The following ATXN7L1 variants were observed in gnomAD, a reference collection of about 807,000 sequenced individuals.
ATXN7L1 encodes ataxin 7 like 1, also known as ataxin-7-like protein 1.
ATXN7L1 carries 15 observed loss-of-function variants against 70.8 expected under a neutral mutation model. The ratio of observed to expected loss-of-function variants is 0.21; its 90% confidence interval spans 0.14 to 0.33. The LOEUF (loss-of-function observed/expected upper bound fraction) is 0.33, where lower values mean the gene tolerates loss of function less well. ATXN7L1 is among the 10% of genes least tolerant of loss of function. The pLI, the probability that ATXN7L1 is intolerant of heterozygous loss-of-function variation, is 1.00. For missense variants in ATXN7L1, 975 were observed against 1,097.1 expected (o/e 0.89, Z 1.57); for synonymous variants, 440 against 445.1 (o/e 0.99, Z 0.14).
chr7:105,715,728 G>A (rs1389478378), intron 3 of ATXN7L1, among the ~76,000 whole-genome samples: 1 of 152,222 alleles, frequency 6.6e-6, no homozygotes, highest in Non-Finnish European at 1.5e-5. Context: ...GTAAAACTGT[G>A]ACTAGTGGCA....
At chr7:105,770,778 T>C (rs1290238753) in intron 3 of ATXN7L1, among the ~76,000 whole-genome samples, 1 of 152,210 alleles carries the variant, frequency 6.6e-6, no homozygotes, top group Admixed American at 6.5e-5. Flanking sequence ...TGTTATTCTG[T>C]AAGCATCAAG....
intron 3 of ATXN7L1, among the ~76,000 whole-genome samples, chr7:105,785,335 G>A (rs879944918): frequency 3.9e-5 from 6 of 152,100 alleles, no homozygotes; most frequent in Admixed American, 1.3e-4. Context: ...GTGTGGTGGC[G>A]GGCACCTGTA....
chr7:105,613,828 G>A, intron 10 of ATXN7L1, 34 bp downstream of exon 10: 1 of 1,551,776 alleles, frequency 6.4e-7, no homozygotes, highest in Non-Finnish European at 8.7e-7. Context: ...CTGCCCCCCA[G>A]AGCCGGTGAA....
Position 105,614,087 on chromosome 7 carries a change from G to A in ATXN7L1, c.2247C>T (p.Ser749=), listed in dbSNP as rs1232008032. 1 of 1,551,752 alleles carries A rather than the reference G, an allele frequency of 6.4e-7. No homozygotes were observed. The highest frequency in any genetic ancestry group is 8.7e-7 in the Non-Finnish European group (1 of 1,147,000). ...SSDSCPLSVP[S]LALHAGDLSL... ...AGAGGTCCCCTGCGTGGAGCGCAAGGGAGGGCACAGAGAGGGGACAGGAGT... is the reference window on the plus strand; with the variant it reads ...AGAGGTCCCCTGCGTGGAGCGCAAGAGAGGGCACAGAGAGGGGACAGGAGT... The change falls in exon 10 of 12, where the codon TCC becomes TCT. Residue 749 remains serine (S), a synonymous_variant. Transcript: ENST00000419735. This position sits in a 1 kb window ranked among gnomAD's most constrained non-coding sequence, Gnocchi z 4.3.
intron 3 of ATXN7L1, among the ~76,000 whole-genome samples, chr7:105,765,072 C>T (rs1254781562): frequency 6.6e-6 from 1 of 152,132 alleles, no homozygotes; most frequent in African/African-American, 2.4e-5. Flanking sequence ...TGGTGGCTCA[C>T]ACCTGTAATC....
chr7:105,637,255 G>A (rs1797522407), intron 7 of ATXN7L1, among the ~76,000 whole-genome samples: 1 of 152,226 alleles, frequency 6.6e-6, no homozygotes, highest in African/African-American at 2.4e-5. Flanking sequence ...AGGCATCAGG[G>A]TGAGAGCCTG....
intron 3 of ATXN7L1, among the ~76,000 whole-genome samples, chr7:105,758,269 TCTC>T (rs1158691321): frequency 2.0e-5 from 3 of 152,150 alleles, no homozygotes; most frequent in African/African-American, 7.2e-5. Context: ...TCAGCTCACT[TCTC>T]CTCCTGGGCT....
chr7:105,692,419 T>TTCCCTCCC (rs1413712743), intron 3 of ATXN7L1, among the ~76,000 whole-genome samples: 1,443 of 122,746 alleles, frequency 0.012, 40 homozygotes, highest in African/African-American at 0.033. Context: ...CCTTCCTTCC[T>TTCCCTCCC]TCCTTCCTCC....
chr7:105,727,202 T>C (rs1285211120), intron 3 of ATXN7L1, among the ~76,000 whole-genome samples: 1 of 152,158 alleles, frequency 6.6e-6, no homozygotes, highest in Non-Finnish European at 1.5e-5. Flanking sequence ...CACAAGAGTG[T>C]TCACTAGAGC....
chr7:105,875,933 A>G, intron 1 of ATXN7L1, 53 bp from the exon 2 acceptor site: 2 of 1,528,098 alleles, frequency 1.3e-6, no homozygotes, highest in Non-Finnish European at 1.8e-6. Flanking sequence ...AGGGGGGAAA[A>G]AAGCCAAAGT....
chr7:105,613,614 T>C (rs1394387744), intron 10 of ATXN7L1: 1 of 1,376,976 alleles, frequency 7.3e-7, no homozygotes, highest in African/African-American at 1.5e-5. Flanking sequence ...TGCACTGGGG[T>C]GTCGTGAGGA....
intron 4 of ATXN7L1, among the ~76,000 whole-genome samples, chr7:105,664,575 G>GTGTGTATGTGTATATA: frequency 1.5e-5 from 2 of 131,984 alleles, no homozygotes; most frequent in African/African-American, 5.7e-5. Context: ...GTATGTGTGT[G>GTGTGTATGTGTATATA]TATATATATA....
intron 4 of ATXN7L1, among the ~76,000 whole-genome samples, chr7:105,645,622 C>A (rs182540484): frequency 0.016 from 2,275 of 145,124 alleles, 64 homozygotes; most frequent in African/African-American, 0.055. Flanking sequence ...TGGTGAAACC[C>A]TGTCTCTGCT....
chr7:105,857,783 A>C (rs566975947), intron 2 of ATXN7L1, among the ~76,000 whole-genome samples: 1 of 152,356 alleles, frequency 6.6e-6, no homozygotes, highest in Non-Finnish European at 1.5e-5. Context: ...TACAAAGCTC[A>C]CTTTCTCTCT....
intron 8 of ATXN7L1, among the ~76,000 whole-genome samples, chr7:105,621,978 G>A (rs1191811937): frequency 1.3e-5 from 2 of 152,192 alleles, no homozygotes; most frequent in Non-Finnish European, 2.9e-5. Context: ...CATGTTAAGT[G>A]CTTACTGACC....
At chr7:105,649,749 C>T (rs1799579510) in intron 4 of ATXN7L1, among the ~76,000 whole-genome samples, 1 of 152,352 alleles carries the variant, frequency 6.6e-6, no homozygotes, top group Middle Eastern at 3.4e-3. Flanking sequence ...TTATTGCCAG[C>T]CCTTCTTCAC....
intron 3 of ATXN7L1, among the ~76,000 whole-genome samples, chr7:105,701,865 C>T (rs1403814936): frequency 6.6e-6 from 1 of 152,142 alleles, no homozygotes; most frequent in African/African-American, 2.4e-5. Context: ...CCACGGTGCC[C>T]AACTCATTAA....
intron 3 of ATXN7L1, among the ~76,000 whole-genome samples, chr7:105,744,208 T>A (rs1303392412): frequency 6.6e-6 from 1 of 152,172 alleles, no homozygotes; most frequent in Admixed American, 6.5e-5. Context: ...ATAACCTGGG[T>A]CTGTGTCCTT....
Position 105,620,312 on chromosome 7 carries a change from A to G in ATXN7L1, c.1405T>C (p.Phe469Leu), listed in dbSNP as rs1254875150. The change falls in exon 9 of 12, where the codon TTT (phenylalanine) becomes CTT (leucine). Residue 469 changes from phenylalanine to leucine, a missense_variant. Phe to Leu is a conservative substitution (Grantham distance 22, BLOSUM62 0). Coordinates refer to ENST00000419735, the MANE Select transcript of ATXN7L1 (RefSeq NM_020725.2). ...CCTCGTCCCATGAGGCGACTCCCAA[A>G]TGAGCAAAACTGTGAGGAAAAAAAA... ...HHPRPLAFCSFGSRLMGRGYY... is the reference protein window; with the variant it reads ...HHPRPLAFCSLGSRLMGRGYY... The G allele has an allele frequency of 3.2e-6, 5 of 1,549,360 alleles. No homozygotes were observed. Among genetic ancestry groups the G allele is most frequent in the Non-Finnish European group, 4.4e-6 (5 of 1,146,208 alleles).
Sources: gnomAD v4.1 joint callset for allele counts (sites outside exome capture counted in the v4.1 genomes callset) on GRCh38, gnomAD v4.1.1 for gene constraint, Gnocchi (gnomAD v3.1) non-coding constraint, MANE v1.5 for transcripts, NCBI Gene and HGNC (gene_info 2026-07-23, HGNC 2026-07-21) for gene names.